The following SNCG variants were observed in gnomAD, a reference collection of about 807,000 sequenced individuals.
The protein encoded by SNCG is gamma-synuclein.
In SNCG, 13 loss-of-function variants were observed where a neutral mutation model predicts 16.0. The observed-to-expected ratio is 0.81, with a 90% CI of 0.53 to 1.29. The LOEUF is 1.29. Ranked by LOEUF, SNCG falls within the 50% of genes most tolerant of loss-of-function variation. SNCG has a pLI of 0.00. For synonymous variants in SNCG, 66 were observed against 66.3 expected (o/e 1.00, Z 0.02); for missense variants, 154 against 168.5 (o/e 0.91, Z 0.48).
chr10:86,959,550 G>T lies in SNCG; in HGVS notation c.122-83G>T. On this transcript the variant is annotated intron_variant, in intron 1 of 4. Coordinates refer to ENST00000372017, the MANE Select transcript of SNCG (RefSeq NM_003087.3). This position sits in a 1 kb window ranked among gnomAD's most constrained non-coding sequence, Gnocchi z 4.3. ...TACCCCCCCACCGACCCCACAGTTT[G>T]TCCAGCTGTTCTGTTGTGTTTGTCC... is the stretch of plus-strand genomic sequence containing the variant. 7.8e-7 allele frequency: 1 copy of T among 1,280,954 alleles called. No homozygotes were observed. The highest frequency in any genetic ancestry group is 1.1e-6 in the Non-Finnish European group (1 of 881,688). 79.3% of individuals were successfully genotyped at this position (1,280,954 alleles called of 1,614,324 possible). A position where few individuals can be genotyped will look rare whatever the true frequency, so the allele number is the denominator to read the frequency against.
upstream of SNCG, chr10:86,958,339 G>A (rs963635062): frequency 2.0e-6 from 2 of 985,282 alleles, no homozygotes; most frequent in African/African-American, 3.5e-5. Flanking sequence ...CCCCATGGGT[G>A]GGCAGGGCAG....
chr10:86,958,627 G>T lies in SNCG; in HGVS notation c.-71G>T. 1 of 1,601,268 alleles carries T rather than the reference G, an allele frequency of 6.2e-7. No individual in the cohort carries two copies. On this transcript the variant is annotated 5_prime_UTR_variant, in exon 1 of 5. Transcript: ENST00000372017. ...AGCCGCTGCGGCAGCACTCGAGCCA[G>T]CTCAAGCCCGCAGCTCGCAGGGAGA...
In SNCG at chr10:86,960,036, AGCGAG is replaced by A; in HGVS notation, c.202_206del (p.Glu68CysfsTer41). 1 of 1,611,278 alleles carries A rather than the reference AGCGAG, an allele frequency of 6.2e-7. No homozygotes were observed. Among genetic ancestry groups the A allele is most frequent in the Non-Finnish European group, 8.5e-7 (1 of 1,179,262 alleles). On this transcript the variant is annotated frameshift_variant, in exon 3 of 5. Coordinates refer to ENST00000372017, the MANE Select transcript of SNCG (RefSeq NM_003087.3). LOFTEE classifies it high-confidence loss of function. ...GACCAAGGAGCAGGCCAACGCCGTG[AGCGAG>A]GCTGTGGTGAGCAGCGTCAACACTG...
intron 1 of SNCG, 143 bp downstream of exon 1, chr10:86,958,961 C>T: frequency 4.8e-6 from 4 of 840,812 alleles, no homozygotes; most frequent in African/African-American, 1.7e-5. Context: ...GTCTCCAGAC[C>T]CTGGAGCACC....
upstream of SNCG, chr10:86,958,515 C>G: frequency 8.0e-7 from 1 of 1,247,862 alleles, no homozygotes; most frequent in Non-Finnish European, 1.0e-6. Context: ...TCCCTCCCTC[C>G]CCGCCCCCAC....
Position 86,959,798 on chromosome 10 carries a change from C to T in SNCG, c.163+124C>T. 8.1e-7 allele frequency: 1 copy of T among 1,239,724 alleles called. No homozygotes were observed. Among genetic ancestry groups the T allele is most frequent in the Non-Finnish European group, 1.1e-6 (1 of 898,972 alleles). 76.8% of individuals were successfully genotyped at this position (1,239,724 alleles called of 1,614,324 possible). Reference sequence around the variant, plus strand: ...CAACTGGGGTCCCAAGCCCTACAGACCCCTGCAGACCATGAGGCTAAACTA... The same window carrying T: ...CAACTGGGGTCCCAAGCCCTACAGATCCCTGCAGACCATGAGGCTAAACTA... On this transcript the variant is annotated intron_variant, in intron 2 of 4. Coordinates refer to ENST00000372017, the MANE Select transcript of SNCG (RefSeq NM_003087.3). This position sits in a 1 kb window ranked among gnomAD's most constrained non-coding sequence, Gnocchi z 4.3.
Position 86,959,996 on chromosome 10 carries a change from C to G in SNCG, c.164-5C>G. 2 of 1,590,998 alleles carry G rather than the reference C, an allele frequency of 1.3e-6. No homozygotes were observed. The highest frequency in any genetic ancestry group is 1.7e-6 in the Non-Finnish European group (2 of 1,169,664). On this transcript the variant is annotated splice_polypyrimidine_tract_variant and splice_region_variant and intron_variant, in intron 2 of 4. Transcript: ENST00000372017. This position sits in a 1 kb window ranked among gnomAD's most constrained non-coding sequence, Gnocchi z 4.3. ...GGGTGGAGGCCAGCCAGTGTCCTCC[C>G]ATAGTGGCCGAGAAGACCAAGGAGC... is the stretch of plus-strand genomic sequence containing the variant.
intron 4 of SNCG, 92 bp from the exon 5 acceptor site, chr10:86,962,872 TG>T: frequency 7.0e-7 from 1 of 1,424,960 alleles, no homozygotes; most frequent in Non-Finnish European, 9.6e-7. Flanking sequence ...CCCTCAGGCA[TG>T]GGGCACAGAA....
upstream of SNCG, chr10:86,957,418 T>A (rs765689483): frequency 1.2e-6 from 2 of 1,613,606 alleles, no homozygotes; most frequent in Non-Finnish European, 1.7e-6. Context: ...GCCTCTGCCT[T>A]CCAGACCCCA....
intron 3 of SNCG, 95 bp downstream of exon 3, chr10:86,960,223 C>A (rs1844319237): frequency 1.6e-6 from 2 of 1,240,306 alleles, no homozygotes; most frequent in South Asian, 1.4e-5. Context: ...CCCCAGGAAA[C>A]AACACGGGGG....
At chr10:86,962,460 T>A in intron 3 of SNCG, 144 bp from the exon 4 acceptor site, 1 of 579,668 alleles carries the variant, frequency 1.7e-6, no homozygotes, top group Non-Finnish European at 3.1e-6. Context: ...ACGCCCCCAA[T>A]ACCTCCAGCC....
In SNCG at chr10:86,959,631, A is replaced by G. The variant is rs1844305000; in HGVS notation, c.122-2A>G. The G allele has an allele frequency of 6.2e-7, 1 of 1,613,396 alleles. No homozygotes were observed. Among genetic ancestry groups the G allele is most frequent in the Non-Finnish European group, 8.5e-7 (1 of 1,179,774 alleles). ...GGGCTGACAGCTCCATTTCCTCCCC[A>G]GGAGCCAAGACCAAGGAGAATGTTG... On this transcript the variant is annotated splice_acceptor_variant, in intron 1 of 4. Coordinates refer to ENST00000372017, the MANE Select transcript of SNCG (RefSeq NM_003087.3). LOFTEE classifies it high-confidence loss of function. The surrounding 1 kb of genome is among the most constrained non-coding windows in gnomAD (Gnocchi z 4.3).
Position 86,963,136 on chromosome 10 carries a change from T to C in SNCG, c.*151T>C, listed in dbSNP as rs1844386118. On this transcript the variant is annotated 3_prime_UTR_variant, in exon 5 of 5. Transcript: ENST00000372017. ...TGGCCACCCTTGGCCTGTCCACCTG[T>C]GCTGCTGCACCAACCTCACTGCCCT... 2.9e-6 allele frequency: 2 copies of C among 685,346 alleles called. No individual in the cohort carries two copies. The highest frequency in any genetic ancestry group is 1.8e-5 in the African/African-American group (1 of 54,864). 42.5% of individuals were successfully genotyped at this position (685,346 alleles called of 1,614,324 possible). A position where few individuals can be genotyped will look rare whatever the true frequency, so the allele number is the denominator to read the frequency against.
At chr10:86,960,520 GC>G (rs1432969474) in intron 3 of SNCG, among the ~76,000 whole-genome samples, 1 of 152,108 alleles carries the variant, frequency 6.6e-6, no homozygotes, top group Non-Finnish European at 1.5e-5. Flanking sequence ...CACCAGCCCC[GC>G]CCCCAGGGCC....
rs778171789 is a variant in SNCG, at chr10:86,959,595, G to C, written c.122-38G>C. On this transcript the variant is annotated intron_variant, in intron 1 of 4. Transcript: ENST00000372017. This position sits in a 1 kb window ranked among gnomAD's most constrained non-coding sequence, Gnocchi z 4.3. Reference sequence around the variant, plus strand: ...TTGTCCTGACCGCCCCCAACACCTCGAGGGAGGTCTGGGCTGACAGCTCCA... The same window carrying C: ...TTGTCCTGACCGCCCCCAACACCTCCAGGGAGGTCTGGGCTGACAGCTCCA... 7 of 1,606,834 alleles carry C rather than the reference G, an allele frequency of 4.4e-6. No homozygotes were observed. The East Asian group carries it at 1.3e-4, about 31-fold the overall frequency.
At chr10:86,956,075 A>G (rs1158253575), upstream of SNCG, among the ~76,000 whole-genome samples, 1 of 151,940 alleles carries the variant, frequency 6.6e-6, no homozygotes, top group African/African-American at 2.4e-5. Context: ...GTGGCCTGAG[A>G]CTAAGGCGTG....
chr10:86,960,341 C>T (rs1034319550), intron 3 of SNCG, among the ~76,000 whole-genome samples: 6 of 152,198 alleles, frequency 3.9e-5, no homozygotes, highest in South Asian at 4.1e-4. Context: ...ACCACCCCTT[C>T]GGGGGACTTG....
chr10:86,958,996 T>C (rs899225630), intron 1 of SNCG, among the ~76,000 whole-genome samples, 178 bp downstream of exon 1: 4 of 152,170 alleles, frequency 2.6e-5, no homozygotes, highest in African/African-American at 7.2e-5. Context: ...CACACCTATG[T>C]GTGTTTGTCT....
At chr10:86,955,954 A>G (rs145875839), upstream of SNCG, among the ~76,000 whole-genome samples, 473 of 152,202 alleles carry the variant, frequency 3.1e-3, 3 homozygotes, top group African/African-American at 0.01. Flanking sequence ...CTTGGGGCTA[A>G]GGGAGCAATG....
Sources: gnomAD v4.1 joint callset for allele counts (sites outside exome capture counted in the v4.1 genomes callset) on GRCh38, gnomAD v4.1.1 for gene constraint, Gnocchi (gnomAD v3.1) non-coding constraint, MANE v1.5 for transcripts, NCBI Gene and HGNC (gene_info 2026-07-23, HGNC 2026-07-21) for gene names.